Variants in TBC1D1 observed in about 807,000 individuals in gnomAD.
TBC1D1 encodes TBC1 domain family member 1, also known as TBC1 (tre-2/USP6, BUB2, cdc16) domain family, member 1.
TBC1D1 carries 89 observed loss-of-function variants against 125.6 expected under a neutral mutation model. That is an observed-to-expected ratio of 0.71 (90% CI 0.60 to 0.85). TBC1D1 has a LOEUF of 0.85. Among genes scored for constraint, TBC1D1 ranks in the 40% least tolerant of loss-of-function variants. The probability of loss-of-function intolerance (pLI) is 0.00; values close to 1 mark genes in which losing one functional copy is unlikely to be tolerated. For missense variants in TBC1D1, 1,377 were observed against 1,469.2 expected, an observed-to-expected ratio of 0.94 and a Z score of 1.03; for synonymous variants, 565 against 564.1, an observed-to-expected ratio of 1.00 and a Z score of -0.02.
At chr4:37,891,945 A>G (rs1489830898) in intron 1 of TBC1D1, among the ~76,000 whole-genome samples, 1 of 151,754 alleles carries the variant, frequency 6.6e-6, no homozygotes, top group African/African-American at 2.4e-5. Context: ...TCAGAGAGGT[A>G]TCATTTCGTT....
intron 18 of TBC1D1, among the ~76,000 whole-genome samples, chr4:38,126,738 C>G (rs1230421884): frequency 6.6e-6 from 1 of 152,150 alleles, no homozygotes; most frequent in Non-Finnish European, 1.5e-5. Flanking sequence ...TGATCCCATT[C>G]AGTGCAGGCC....
rs10691932 is a variant in TBC1D1, at chr4:37,954,889, C to CTT, written c.417+52391_417+52392dup. ...GGATTTTTTTTTTTTTTGAAACAGT[C>CTT]TTTTTTTTTTTTTTTGAGACGGAGT... On this transcript the variant is annotated intron_variant, in intron 2 of 19. Transcript: ENST00000261439. Among the ~76,000 whole-genome samples, 375 of 109,404 alleles carry CTT rather than the reference C, an allele frequency of 3.4e-3. 20 individuals carry two copies. Among genetic ancestry groups the CTT allele is most frequent in the African/African-American group, 0.011 (308 of 28,458 alleles). 71.8% of individuals were successfully genotyped at this position (109,404 alleles called of 152,430 possible).
chr4:38,055,588 TG>T (rs1293422284), intron 12 of TBC1D1, among the ~76,000 whole-genome samples: 1 of 152,188 alleles, frequency 6.6e-6, no homozygotes, highest in African/African-American at 2.4e-5. Context: ...CCTTTCTATG[TG>T]GGGGCACCAT....
At chr4:37,948,947 T>C (rs1727285918) in intron 2 of TBC1D1, among the ~76,000 whole-genome samples, 1 of 152,262 alleles carries the variant, frequency 6.6e-6, no homozygotes, top group Non-Finnish European at 1.5e-5. Flanking sequence ...CATATATCAG[T>C]AACTCATTTC....
At chr4:37,925,481 G>T (rs977824591) in intron 2 of TBC1D1, among the ~76,000 whole-genome samples, 1 of 152,092 alleles carries the variant, frequency 6.6e-6, no homozygotes, top group Non-Finnish European at 1.5e-5. Flanking sequence ...ACTTCGGGAG[G>T]TCGAGGTGGG....
rs1721950256 is a variant in TBC1D1 at position 37,925,687 on chromosome 4, A to G, written c.417+23175A>G. On this transcript the variant is annotated intron_variant, in intron 2 of 19. Coordinates refer to ENST00000261439, the MANE Select transcript of TBC1D1 (RefSeq NM_015173.4). The stretch of plus-strand genomic sequence containing the variant: ...ATAGAGCGAGACTCCATCTCAAAAA[A>G]AAAAAAAAAAGAGAGAAAAAAAGAA... Among the ~76,000 whole-genome samples, 4 of 151,512 alleles carry G rather than the reference A, an allele frequency of 2.6e-5. No individual in the cohort carries two copies. In the South Asian group the frequency reaches 8.3e-4, roughly 31 times the overall value.
chr4:38,061,083 A>G lies in TBC1D1; in HGVS notation c.2050+6745A>G, dbSNP rs552091662. On this transcript the variant is annotated intron_variant, in intron 12 of 19. Transcript: ENST00000261439. Reference sequence around the variant, plus strand: ...TCTGAAGAAGCAAAGAGTGAGTGTGATGGGGAAAATGCAGTGATTAAAAAC... The same window carrying G: ...TCTGAAGAAGCAAAGAGTGAGTGTGGTGGGGAAAATGCAGTGATTAAAAAC... Among the ~76,000 whole-genome samples the G allele has an allele frequency of 7.2e-5, 11 of 152,346 alleles. No individual in the cohort carries two copies. The South Asian group carries it at 2.3e-3, about 32-fold the overall frequency.
At chr4:38,126,646 G>A (rs533741119) in intron 18 of TBC1D1, among the ~76,000 whole-genome samples, 47 of 152,214 alleles carry the variant, frequency 3.1e-4, no homozygotes, top group Middle Eastern at 6.8e-3. Context: ...TCCTTCCCTG[G>A]AACACTCTTC....
intron 17 of TBC1D1, among the ~76,000 whole-genome samples, chr4:38,119,659 G>A (rs1763538061): frequency 6.6e-6 from 1 of 152,156 alleles, no homozygotes; most frequent in Non-Finnish European, 1.5e-5. Context: ...TCTAACACTG[G>A]AAATTAAAAG....
rs573746386 is a variant in TBC1D1, at chr4:38,051,808, G to A, written c.1910+1910G>A. On this transcript the variant is annotated intron_variant, in intron 11 of 19. Transcript: ENST00000261439. Reference sequence around the variant, plus strand: ...GTGTTACTGGAACAACGAGACAAAAGCGGTGTGCTCCTTCCACCTGTTTGC... The same window carrying A: ...GTGTTACTGGAACAACGAGACAAAAACGGTGTGCTCCTTCCACCTGTTTGC... The A allele has an allele frequency of 1.2e-5, 15 of 1,264,666 alleles. No homozygotes were observed. The Admixed American group carries it at 2.2e-4, about 18-fold the overall frequency. The allele number at this position is 1,264,666 out of a possible 1,614,324, so 78.3% of individuals were successfully genotyped here.
At position 37,920,202 on chromosome 4, in the gene TBC1D1, G is replaced by A. The variant is rs186455696; in HGVS notation, c.417+17690G>A. On this transcript the variant is annotated intron_variant, in intron 2 of 19. Coordinates refer to ENST00000261439, the MANE Select transcript of TBC1D1 (RefSeq NM_015173.4). ...GGTACAAAAACCCAACAAAAAGCCC[G>A]TGTCGTTGAAGCACTTAGAGTCCGG... is the stretch of plus-strand genomic sequence containing the variant. 4.6e-4 allele frequency among the ~76,000 whole-genome samples: 70 copies of A among 152,356 alleles called. 1 individual carries two copies. The highest frequency in any genetic ancestry group is 1.6e-3 in the Admixed American group (25 of 15,304).
Position 38,053,144 on chromosome 4 carries a change from C to G in TBC1D1, c.1911-1055C>G, listed in dbSNP as rs1194050000. ...AATGCCCTGCGGAAAAAACTTCATTCTTCTTCCTCTGTGCCAAATTTTCTA... is the reference window on the plus strand; with the variant it reads ...AATGCCCTGCGGAAAAAACTTCATTGTTCTTCCTCTGTGCCAAATTTTCTA... On this transcript the variant is annotated intron_variant, in intron 11 of 19. Transcript: ENST00000261439. 12 of 1,535,668 alleles carry G rather than the reference C, an allele frequency of 7.8e-6. No homozygotes were observed. The East Asian group carries it at 3.0e-4, about 38-fold the overall frequency.
At chr4:37,900,774 G>A (rs1308740354) in intron 1 of TBC1D1, among the ~76,000 whole-genome samples, 3 of 152,188 alleles carry the variant, frequency 2.0e-5, no homozygotes, top group African/African-American at 7.2e-5. Context: ...AAACGTGGTT[G>A]TTGAAAACAG....
intron 2 of TBC1D1, among the ~76,000 whole-genome samples, chr4:37,915,146 T>C (rs1273749906): frequency 6.6e-6 from 1 of 152,234 alleles, no homozygotes; most frequent in African/African-American, 2.4e-5. Context: ...AGATACTTCA[T>C]GAATGAATGA....
At chr4:38,067,814 C>T (rs974089309) in intron 12 of TBC1D1, among the ~76,000 whole-genome samples, 2 of 152,160 alleles carry the variant, frequency 1.3e-5, no homozygotes, top group African/African-American at 4.8e-5. Context: ...GAAAAGTCAC[C>T]GAGTTTCCAT....
chr4:38,075,722 G>T (rs533620604), intron 12 of TBC1D1, among the ~76,000 whole-genome samples: 2 of 152,210 alleles, frequency 1.3e-5, no homozygotes, highest in East Asian at 3.9e-4. Flanking sequence ...AGGAGGGAGG[G>T]TGGAGGACAG....
chr4:38,075,404 T>G (rs1273876357), intron 12 of TBC1D1, among the ~76,000 whole-genome samples: 2 of 152,152 alleles, frequency 1.3e-5, no homozygotes, highest in African/African-American at 4.8e-5. Flanking sequence ...CCCAAGTTGA[T>G]TTCTTTCAGG....
At chr4:37,968,088 G>C (rs937356270) in intron 2 of TBC1D1, among the ~76,000 whole-genome samples, 1 of 152,218 alleles carries the variant, frequency 6.6e-6, no homozygotes, top group Non-Finnish European at 1.5e-5. Context: ...GAGAACAGAT[G>C]TTTAAATAGC....
rs1713135296 is a variant in TBC1D1 at position 37,891,203 on chromosome 4, G to A, written c.-239G>A. On this transcript the variant is annotated 5_prime_UTR_variant, in exon 1 of 20. Transcript: ENST00000261439. ...GAAGAGGCGGGCGCCGAGCCGAGGG[G>A]AGCCCCCTCCCCGTCCCCCCGCGGC... 1 of 152,896 alleles carries A rather than the reference G, an allele frequency of 6.5e-6. No homozygotes were observed. The highest frequency in any genetic ancestry group is 1.5e-5 in the Non-Finnish European group (1 of 68,620). The allele number at this position is 152,896 out of a possible 1,614,324, so 9.5% of individuals were successfully genotyped here.
Sources: allele counts gnomAD v4.1 joint callset (sites outside exome capture counted in the v4.1 genomes callset), GRCh38; gene constraint gnomAD v4.1.1; transcripts MANE v1.5; gene names NCBI Gene and HGNC (gene_info 2026-07-23, HGNC 2026-07-21).